Variants in COL4A2 observed in about 807,000 individuals in gnomAD.
The protein encoded by COL4A2 is collagen type IV alpha 2 chain.
A neutral mutation model predicts 200.2 loss-of-function variants in COL4A2; 99 were observed. The ratio of observed to expected loss-of-function variants is 0.49; its 90% CI spans 0.42 to 0.58. The LOEUF is 0.58. Among genes scored for constraint, COL4A2 ranks in the 20% least tolerant of loss-of-function variants. COL4A2 has a pLI of 0.00. For synonymous variants in COL4A2, 897 were observed against 900.6 expected (o/e 1.00, Z 0.07); for missense variants, 1,950 against 2,314.1 (o/e 0.84, Z 3.23).
In COL4A2 at chr13:110,456,746, G is replaced by A. The variant is rs555665336; in HGVS notation, c.1340-597G>A. 6 of 473,818 alleles carry A rather than the reference G, an allele frequency of 1.3e-5. No homozygotes were observed. In the East Asian group the frequency reaches 2.0e-4, roughly 16 times the overall value. The allele number at this position is 473,818 out of a possible 1,614,324, so 29.4% of individuals were successfully genotyped here. ...GGTGCCCATGCCCTGTGTCTGGGGG[G>A]ACCCTGGGCATCCTTGATGCTGGTG... is the stretch of plus-strand genomic sequence containing the variant. On this transcript the variant is annotated intron_variant, in intron 20 of 47. Transcript: ENST00000360467.
chr13:110,379,386 C>T (rs1001718924), intron 4 of COL4A2, among the ~76,000 whole-genome samples: 1 of 152,232 alleles, frequency 6.6e-6, no homozygotes, highest in Non-Finnish European at 1.5e-5. Flanking sequence ...CCTCAGAAAG[C>T]CCCTGCAAAA....
Position 110,428,485 on chromosome 13 carries a change from G to A in COL4A2, c.379G>A (p.Gly127Arg), listed in dbSNP as rs759136489. 6.3e-7 allele frequency: 1 copy of A among 1,575,802 alleles called. No homozygotes were observed. Among genetic ancestry groups the A allele is most frequent in the South Asian group, 1.2e-5 (1 of 85,842 alleles). ...DGIPGHPGQG[G>R]PRGRPGYDGC... The stretch of plus-strand genomic sequence containing the variant: ...TTCCCAGGGACACCCGGGGCAAGGT[G>A]GGCCCAGGGGAAGGCCGGGCTACGA... The change falls in exon 7 of 48, where the codon GGG (glycine) becomes AGG (arginine). Residue 127 changes from glycine (G) to arginine (R), a missense_variant. Gly to Arg is a moderately radical substitution (Grantham distance 125). Transcript: ENST00000360467.
chr13:110,413,623 G>A (rs900206420), intron 4 of COL4A2, among the ~76,000 whole-genome samples: 20 of 152,362 alleles, frequency 1.3e-4, no homozygotes, highest in African/African-American at 1.7e-4. Flanking sequence ...CTGTGCCAGC[G>A]TGGGAAGGGG....
At chr13:110,417,943 A>C (rs1215554721) in intron 4 of COL4A2, among the ~76,000 whole-genome samples, 2 of 151,992 alleles carry the variant, frequency 1.3e-5, no homozygotes, top group Non-Finnish European at 2.9e-5. Flanking sequence ...GGGTCCTGTG[A>C]ACTTTAGAAG....
At chr13:110,315,970 G>T (rs939398759) in intron 3 of COL4A2, among the ~76,000 whole-genome samples, 5 of 151,350 alleles carry the variant, frequency 3.3e-5, no homozygotes, top group African/African-American at 1.2e-4. Flanking sequence ...CTTACTGTGG[G>T]TTTTTTTTTC....
At chr13:110,472,248 T>C (rs1364171375) in intron 28 of COL4A2, among the ~76,000 whole-genome samples, 3 of 152,036 alleles carry the variant, frequency 2.0e-5, no homozygotes, top group African/African-American at 7.2e-5. Flanking sequence ...CCTGAGTAGC[T>C]GGGACTACAG....
chr13:110,505,889 G>A (rs985653786), intron 45 of COL4A2, among the ~76,000 whole-genome samples: 1 of 152,190 alleles, frequency 6.6e-6, no homozygotes, highest in Non-Finnish European at 1.5e-5. Flanking sequence ...AGGGGCACAT[G>A]CCTACCTATG....
intron 47 of COL4A2, among the ~76,000 whole-genome samples, 198 bp from the exon 48 acceptor site, chr13:110,511,736 G>A (rs563381205): frequency 6.7e-6 from 1 of 149,146 alleles, no homozygotes; most frequent in Non-Finnish European, 1.5e-5. Flanking sequence ...GCCTGGGGCT[G>A]CCTCCTGCAG....
At chr13:110,309,479 C>T (rs980658710) in intron 3 of COL4A2, among the ~76,000 whole-genome samples, 3 of 152,248 alleles carry the variant, frequency 2.0e-5, no homozygotes, top group African/African-American at 7.2e-5. Context: ...CATGCACGCG[C>T]ACGCACGCAC....
intron 3 of COL4A2, among the ~76,000 whole-genome samples, chr13:110,335,712 G>A (rs1566479453): frequency 1.3e-5 from 2 of 152,132 alleles, no homozygotes; most frequent in African/African-American, 2.4e-5. Context: ...ACAAGGCTTG[G>A]CCACCCATCT....
In COL4A2 at chr13:110,503,420, A is replaced by G; in HGVS notation, c.4077A>G (p.Gly1359=). Residue 1359 remains glycine, a synonymous_variant, in exon 43 of 48, where the codon GGA becomes GGG. Transcript: ENST00000360467. The part of the protein sequence containing the change: ...RGEQGFMGNT[G]PTGAVGDRGP... ...AACAAGGCTTCATGGGGAACACTGGACCCACTGGGGCGGTGGGCGACAGAG... is the reference window on the plus strand; with the variant it reads ...AACAAGGCTTCATGGGGAACACTGGGCCCACTGGGGCGGTGGGCGACAGAG... 6.3e-7 allele frequency: 1 copy of G among 1,595,780 alleles called. No homozygotes were observed. The highest frequency in any genetic ancestry group is 8.5e-7 in the Non-Finnish European group (1 of 1,170,936).
intron 4 of COL4A2, among the ~76,000 whole-genome samples, chr13:110,385,396 T>C (rs1420574843): frequency 7.5e-6 from 1 of 133,550 alleles, no homozygotes; most frequent in African/African-American, 2.8e-5. Context: ...TTATGATAGT[T>C]GGAGGTTACA....
chr13:110,394,919 T>TA (rs1260138642), intron 4 of COL4A2, among the ~76,000 whole-genome samples: 7 of 152,142 alleles, frequency 4.6e-5, no homozygotes, highest in African/African-American at 1.7e-4. Context: ...TCAAAACAAG[T>TA]AAAAAAGATC....
chr13:110,503,062 G>A, intron 41 of COL4A2, 59 bp from the exon 42 acceptor site: 3 of 1,529,126 alleles, frequency 2.0e-6, no homozygotes, highest in Admixed American at 4.1e-5. Flanking sequence ...GCACCTGACT[G>A]CCCCCAGGGG....
chr13:110,321,057 C>A (rs1026594792), intron 3 of COL4A2, among the ~76,000 whole-genome samples: 2 of 152,120 alleles, frequency 1.3e-5, no homozygotes, highest in Non-Finnish European at 2.9e-5. Context: ...AAAATAAAAT[C>A]TTGGCACATT....
rs1396434689 is a variant in COL4A2, at chr13:110,442,095, A to C, written c.957+2262A>C. Among the ~76,000 whole-genome samples the C allele has an allele frequency of 5.2e-4, 66 of 127,034 alleles. No homozygotes were observed. The South Asian group carries it at 0.016, about 30-fold the overall frequency. 83.3% of individuals were successfully genotyped at this position (127,034 alleles called of 152,430 possible). A position where few individuals can be genotyped will look rare whatever the true frequency, so the allele number is the denominator to read the frequency against. On this transcript the variant is annotated intron_variant, in intron 16 of 47. Coordinates refer to ENST00000360467, the MANE Select transcript of COL4A2 (RefSeq NM_001846.4). Reference sequence around the variant, plus strand: ...AGTGAGACTCTCTGTCTCAAAAAAAAAAAAAAAAAAAAAAAAAAAAGGGCA... The same window carrying C: ...AGTGAGACTCTCTGTCTCAAAAAAACAAAAAAAAAAAAAAAAAAAAGGGCA...
intron 3 of COL4A2, among the ~76,000 whole-genome samples, chr13:110,344,428 A>T (rs992083283): frequency 1.3e-5 from 2 of 152,250 alleles, no homozygotes; most frequent in African/African-American, 4.8e-5. Context: ...ATATTGAAGT[A>T]GGCTGTTTGT....
chr13:110,377,540 TCAACTAATGGGCTTTC>T (rs1253159051), intron 4 of COL4A2, among the ~76,000 whole-genome samples: 4 of 152,192 alleles, frequency 2.6e-5, no homozygotes, highest in African/African-American at 9.7e-5. Flanking sequence ...TGAGCTCCCC[TCAACTAATGGGCTTTC>T]CATGGGGAAT....
intron 3 of COL4A2, among the ~76,000 whole-genome samples, chr13:110,321,327 A>T (rs1220669553): frequency 6.6e-6 from 1 of 152,154 alleles, no homozygotes; most frequent in Non-Finnish European, 1.5e-5. Flanking sequence ...TTGTGGTAAA[A>T]TATATGTAAC....
Sources: gnomAD v4.1 joint callset for allele counts (sites outside exome capture counted in the v4.1 genomes callset) on GRCh38, gnomAD v4.1.1 for gene constraint, MANE v1.5 for transcripts, NCBI Gene and HGNC (gene_info 2026-07-23, HGNC 2026-07-21) for gene names.